The following CSMD1 variants were observed in gnomAD, a reference collection of about 807,000 sequenced individuals.
CSMD1 encodes the protein CUB and sushi domain-containing protein 1.
CSMD1 carries 213 observed loss-of-function variants against 417.5 expected under a neutral mutation model. That is an observed-to-expected ratio of 0.51 (90% CI 0.46 to 0.57). CSMD1 has a LOEUF of 0.57. CSMD1 is among the 20% of genes least tolerant of loss of function. CSMD1 has a pLI of 0.00. For missense variants in CSMD1, 6,923 were observed against 4,529.7 expected (o/e 1.53, Z -15.17); for synonymous variants, 2,862 against 1,736.8 (o/e 1.65, Z -16.11).
intron 5 of CSMD1, among the ~76,000 whole-genome samples, chr8:3,909,977 G>C (rs968682525): frequency 6.6e-6 from 1 of 151,974 alleles, no homozygotes; most frequent in Non-Finnish European, 1.5e-5. Context: ...CAACACTTGG[G>C]AGTAACTAGA....
At chr8:3,265,042 C>T (rs954213235) in intron 26 of CSMD1, among the ~76,000 whole-genome samples, 3 of 152,156 alleles carry the variant, frequency 2.0e-5, no homozygotes, top group Non-Finnish European at 2.9e-5. Context: ...GGAAAAGCAT[C>T]TTTAGGGCAC....
chr8:4,510,246 CT>C (rs1170591916), intron 2 of CSMD1, among the ~76,000 whole-genome samples: 4 of 151,978 alleles, frequency 2.6e-5, no homozygotes, highest in African/African-American at 9.7e-5. Flanking sequence ...AATTAAACCT[CT>C]TTCCTTTATA....
intron 1 of CSMD1, among the ~76,000 whole-genome samples, chr8:4,790,432 T>A (rs557692094): frequency 6.6e-6 from 1 of 152,282 alleles, no homozygotes; most frequent in East Asian, 1.9e-4. Flanking sequence ...TTCAAAACTA[T>A]TCCTTTCAAA....
At position 3,214,612 on chromosome 8, in the gene CSMD1, G is replaced by A; in HGVS notation, c.4752C>T (p.Ser1584=). The A allele has an allele frequency of 6.4e-7, 1 of 1,561,258 alleles. No homozygotes were observed. The highest frequency in any genetic ancestry group is 8.7e-7 in the Non-Finnish European group (1 of 1,152,116). Residue 1584 remains serine, a synonymous_variant, in exon 30 of 70, where the codon TCC becomes TCT. Transcript: ENST00000635120. ...TRVGTDFKLG[S]TITYQCDSGY... ...CAGAGTCACACTGGTAGGTGATGGT[G>A]GAGCCAAGCTTGAAGTCTGTTCCAA... is the stretch of plus-strand genomic sequence containing the variant.
intron 2 of CSMD1, among the ~76,000 whole-genome samples, chr8:4,537,803 G>T (rs574958144): frequency 1.3e-5 from 2 of 152,254 alleles, no homozygotes; most frequent in East Asian, 3.9e-4. Context: ...TCTCAGGGCC[G>T]TGTTTATCCA....
intron 26 of CSMD1, among the ~76,000 whole-genome samples, chr8:3,256,851 G>C (rs1426574837): frequency 1.3e-5 from 2 of 152,216 alleles, no homozygotes; most frequent in Middle Eastern, 3.4e-3. Flanking sequence ...TCCTTTCCAA[G>C]GTAGTTATGT....
At chr8:3,996,191 C>A (rs1228106895) in intron 5 of CSMD1, among the ~76,000 whole-genome samples, 8 of 152,250 alleles carry the variant, frequency 5.3e-5, no homozygotes, top group African/African-American at 1.9e-4. Flanking sequence ...TTGCTTCTAC[C>A]TCTCTCCCAA....
intron 5 of CSMD1, among the ~76,000 whole-genome samples, chr8:3,769,398 A>G (rs149508152): frequency 1.7e-3 from 247 of 149,526 alleles, no homozygotes; most frequent in African/African-American, 5.3e-3. Flanking sequence ...AAAGCATTCA[A>G]TGACACAAAA....
Position 3,396,317 on chromosome 8 carries a change from G to A in CSMD1, c.2470C>T (p.Leu824=). 3.1e-6 allele frequency: 5 copies of A among 1,608,284 alleles called. 1 individual carries two copies. In the South Asian group the frequency reaches 5.6e-5, roughly 18 times the overall value. Residue 824 remains leucine, a synonymous_variant, in exon 17 of 70, where the codon CTG becomes TTG. Transcript: ENST00000635120. The stretch of plus-strand genomic sequence containing the variant: ...TGGGTGCCGTGGTACTCGCCGATCA[G>A]TGGGGACGAACTGGCTGGCCCATCT... ...VRDGPASSSP[L]IGEYHGTQAP... is the part of the protein sequence containing the mutation.
rs34949025 is a variant in CSMD1, at chr8:4,143,003, A to AAAAAT, written c.416-110905_416-110904insATTTT. On this transcript the variant is annotated intron_variant, in intron 3 of 69. Transcript: ENST00000635120. ...TTTCAAACTGATTGAAAAAAAAAAA[A>AAAAAT]TGCTCTCCATTTAGGAACTAGTGTC... 8.7e-5 allele frequency among the ~76,000 whole-genome samples: 13 copies of AAAAAT among 150,096 alleles called. 2 individuals are homozygous for AAAAAT. Among genetic ancestry groups the AAAAAT allele is most frequent in the African/African-American group, 3.0e-4 (12 of 40,098 alleles).
At chr8:3,678,631 A>C (rs1799500990) in intron 7 of CSMD1, among the ~76,000 whole-genome samples, 2 of 152,170 alleles carry the variant, frequency 1.3e-5, no homozygotes, top group South Asian at 4.1e-4. Context: ...TTATCAAGGA[A>C]AACTTCCCCA....
At position 3,930,285 on chromosome 8, in the gene CSMD1, T is replaced by A. The variant is rs183046332; in HGVS notation, c.818+67618A>T. Reference sequence around the variant, plus strand: ...AATTAGGAATAAATAGTAACTTCTCTTAGAAGCAAACTTTATTCAAAGACC... The same window carrying A: ...AATTAGGAATAAATAGTAACTTCTCATAGAAGCAAACTTTATTCAAAGACC... On this transcript the variant is annotated intron_variant, in intron 5 of 69. Transcript: ENST00000635120. 1.4e-4 allele frequency among the ~76,000 whole-genome samples: 21 copies of A among 150,506 alleles called. 3 individuals are homozygous for A. The highest frequency in any genetic ancestry group is 1.4e-3 in the Admixed American group (21 of 15,126).
intron 3 of CSMD1, among the ~76,000 whole-genome samples, chr8:4,242,791 T>A (rs1397555885): frequency 6.6e-6 from 1 of 152,202 alleles, no homozygotes; most frequent in Non-Finnish European, 1.5e-5. Context: ...TATTCATTTA[T>A]AAAGTTGGAG....
At chr8:4,140,151 G>C (rs1297896691) in intron 3 of CSMD1, among the ~76,000 whole-genome samples, 2 of 150,756 alleles carry the variant, frequency 1.3e-5, no homozygotes, top group Non-Finnish European at 2.9e-5. Context: ...CCAGGGGTTT[G>C]CGACCAGCCT....
chr8:4,200,941 C>G (rs1049079582), intron 3 of CSMD1, among the ~76,000 whole-genome samples: 1 of 152,140 alleles, frequency 6.6e-6, no homozygotes, highest in Non-Finnish European at 1.5e-5. Context: ...CTTTTCTAAT[C>G]TCCATAACTA....
At chr8:4,789,175 C>T (rs1305141664) in intron 1 of CSMD1, among the ~76,000 whole-genome samples, 1 of 152,138 alleles carries the variant, frequency 6.6e-6, no homozygotes, top group Non-Finnish European at 1.5e-5. Context: ...CAGATGAATG[C>T]TTTGTGCTTA....
intron 2 of CSMD1, among the ~76,000 whole-genome samples, chr8:4,448,625 G>A (rs921644988): frequency 5.9e-5 from 9 of 152,086 alleles, no homozygotes; most frequent in Admixed American, 1.3e-4. Flanking sequence ...ATGTAATGGT[G>A]GGAAAATATA....
At chr8:3,302,677 T>TGAAA (rs1804510721) in intron 25 of CSMD1, among the ~76,000 whole-genome samples, 1 of 152,164 alleles carries the variant, frequency 6.6e-6, no homozygotes, top group Non-Finnish European at 1.5e-5. Context: ...CAGCAGATGT[T>TGAAA]GAAAGAGGAG....
chr8:4,261,474 G>A (rs1585117818), intron 3 of CSMD1, among the ~76,000 whole-genome samples: 1 of 152,132 alleles, frequency 6.6e-6, no homozygotes, highest in Non-Finnish European at 1.5e-5. Context: ...CATCAGCCCT[G>A]GGATCTAATG....
Sources: allele counts gnomAD v4.1 joint callset (sites outside exome capture counted in the v4.1 genomes callset), GRCh38; gene constraint gnomAD v4.1.1; transcripts MANE v1.5; gene names NCBI Gene and HGNC (gene_info 2026-07-23, HGNC 2026-07-21).